Variants in STX8 observed in about 807,000 individuals in gnomAD.
STX8 encodes the protein syntaxin 8, also known as syntaxin-8.
STX8 carries 23 observed loss-of-function variants against 37.5 expected under a neutral mutation model. That is an observed-to-expected ratio of 0.61 (90% CI 0.44 to 0.87). The LOEUF is 0.87. Among genes scored for constraint, STX8 ranks in the 40% least tolerant of loss-of-function variants. STX8 has a pLI of 0.00. For missense variants in STX8, 313 were observed against 284.7 expected (o/e 1.10, Z -0.71); for synonymous variants, 115 against 99.1 (o/e 1.16, Z -0.95).
At chr17:9,323,971 G>A (rs950536057) in intron 7 of STX8, among the ~76,000 whole-genome samples, 12 of 152,252 alleles carry the variant, frequency 7.9e-5, no homozygotes, top group African/African-American at 1.9e-4. Context: ...GCAGTGGGGC[G>A]GAGAGGCATC....
At chr17:9,391,547 A>G (rs1405166308) in intron 6 of STX8, among the ~76,000 whole-genome samples, 1 of 152,122 alleles carries the variant, frequency 6.6e-6, no homozygotes, top group Non-Finnish European at 1.5e-5. Flanking sequence ...AAAAAGCAAA[A>G]CAAATGTGGC....
chr17:9,351,664 G>A (rs948572844), intron 7 of STX8, among the ~76,000 whole-genome samples: 4 of 152,074 alleles, frequency 2.6e-5, no homozygotes, highest in African/African-American at 9.7e-5. Context: ...ATCAGAAACT[G>A]TATTTAGTTG....
chr17:9,476,455 T>C (rs1359875062), intron 6 of STX8, among the ~76,000 whole-genome samples: 1 of 151,622 alleles, frequency 6.6e-6, no homozygotes, highest in Non-Finnish European at 1.5e-5. Context: ...TTTTCTTTTT[T>C]TTTTCTTTTT....
intron 7 of STX8, among the ~76,000 whole-genome samples, chr17:9,271,672 C>T (rs777231549): frequency 6.7e-6 from 1 of 149,360 alleles, no homozygotes; most frequent in Non-Finnish European, 1.5e-5. Flanking sequence ...ATCACTTGAA[C>T]TGGGGAGGCA....
chr17:9,268,281 GAAC>G (rs969684250), intron 7 of STX8, among the ~76,000 whole-genome samples: 2 of 108,478 alleles, frequency 1.8e-5, no homozygotes, highest in Non-Finnish European at 4.0e-5. Flanking sequence ...GGTGGAGTAA[GAAC>G]AAAAAAAAAA....
At chr17:9,505,427 A>G (rs1291064967) in intron 4 of STX8, among the ~76,000 whole-genome samples, 1 of 152,158 alleles carries the variant, frequency 6.6e-6, no homozygotes, top group Non-Finnish European at 1.5e-5. Context: ...CCTCCAAGAG[A>G]TGTTTGAGTT....
chr17:9,428,207 T>C (rs944821281), intron 6 of STX8, among the ~76,000 whole-genome samples: 6 of 152,198 alleles, frequency 3.9e-5, no homozygotes, highest in East Asian at 3.9e-4. Context: ...GGCAAGTCTT[T>C]TGTATTCTAC....
intron 6 of STX8, among the ~76,000 whole-genome samples, chr17:9,407,216 C>T (rs146224531): frequency 2.0e-5 from 3 of 152,198 alleles, no homozygotes; most frequent in Non-Finnish European, 4.4e-5. Context: ...AAAATAGAGA[C>T]GGGGTCTTGC....
chr17:9,267,563 AACCAAACATGGCT>A (rs1393813106), intron 7 of STX8, among the ~76,000 whole-genome samples: 3 of 152,236 alleles, frequency 2.0e-5, no homozygotes. Context: ...CTCTCAGTAC[AACCAAACATGGCT>A]GCCAGGCTTT....
intron 3 of STX8, among the ~76,000 whole-genome samples, chr17:9,549,668 G>C (rs1045304360): frequency 5.3e-5 from 8 of 152,054 alleles, no homozygotes; most frequent in African/African-American, 1.9e-4. Context: ...TTAGGAACAT[G>C]CTGCCTCTTT....
chr17:9,410,566 A>G lies in STX8; in HGVS notation c.542-31913T>C, dbSNP rs983582737. Among the ~76,000 whole-genome samples the G allele has an allele frequency of 2.0e-5, 3 of 152,236 alleles. No individual in the cohort carries two copies. The South Asian group carries it at 6.2e-4, about 32-fold the overall frequency. ...TCACAGAGAAGCCATCTGAAAAGCTACGCATAGTGCAGCTGTTCTTGGCTG... is the reference window on the plus strand; with the variant it reads ...TCACAGAGAAGCCATCTGAAAAGCTGCGCATAGTGCAGCTGTTCTTGGCTG... On this transcript the variant is annotated intron_variant, in intron 6 of 7. Transcript: ENST00000306357.
At chr17:9,481,824 T>C (rs939681932) in intron 6 of STX8, among the ~76,000 whole-genome samples, 1 of 152,142 alleles carries the variant, frequency 6.6e-6, no homozygotes, top group Non-Finnish European at 1.5e-5. Context: ...CATCGTGAAC[T>C]GTGCATGCGA....
chr17:9,500,440 CA>C (rs1904569621), intron 5 of STX8, among the ~76,000 whole-genome samples: 1 of 152,112 alleles, frequency 6.6e-6, no homozygotes, highest in African/African-American at 2.4e-5. Flanking sequence ...GATGGGAGAA[CA>C]CAGGTGGAAC....
chr17:9,487,432 T>C (rs1437074530), intron 6 of STX8, among the ~76,000 whole-genome samples: 1 of 152,150 alleles, frequency 6.6e-6, no homozygotes, highest in East Asian at 1.9e-4. Flanking sequence ...CACCTACAGC[T>C]ATCATGGCCT....
chr17:9,537,521 T>G (rs925477455), intron 4 of STX8, among the ~76,000 whole-genome samples: 1 of 152,200 alleles, frequency 6.6e-6, no homozygotes, highest in Non-Finnish European at 1.5e-5. Context: ...AAAGCTTTCA[T>G]GTATTAAAAG....
intron 6 of STX8, among the ~76,000 whole-genome samples, chr17:9,400,303 G>A (rs1282971117): frequency 4.0e-5 from 6 of 151,770 alleles, no homozygotes; most frequent in Middle Eastern, 3.4e-3. Flanking sequence ...GGGATTCACC[G>A]TGTTAGCCAG....
At chr17:9,388,517 C>T (rs916444576) in intron 6 of STX8, among the ~76,000 whole-genome samples, 2 of 151,566 alleles carry the variant, frequency 1.3e-5, no homozygotes, top group Non-Finnish European at 2.9e-5. Context: ...TAAACATATA[C>T]ATTTTTTCGG....
chr17:9,297,287 C>T (rs1468337176), intron 7 of STX8, among the ~76,000 whole-genome samples: 1 of 151,712 alleles, frequency 6.6e-6, no homozygotes, highest in Admixed American at 6.6e-5. Flanking sequence ...AATCCTGCTC[C>T]TAATGTGGTT....
chr17:9,501,801 A>T (rs557939536), intron 5 of STX8, among the ~76,000 whole-genome samples: 1 of 151,758 alleles, frequency 6.6e-6, no homozygotes, highest in East Asian at 1.9e-4. Flanking sequence ...GTGAAACCCC[A>T]TCTCTAAAAT....
Sources: allele counts gnomAD v4.1 joint callset (sites outside exome capture counted in the v4.1 genomes callset), GRCh38; gene constraint gnomAD v4.1.1; transcripts MANE v1.5; gene names NCBI Gene and HGNC (gene_info 2026-07-23, HGNC 2026-07-21).